Variants in DIAPH2 observed in about 807,000 individuals in gnomAD.
DIAPH2 encodes diaphanous related formin 2.
In DIAPH2, 35 loss-of-function variants were observed where a neutral mutation model predicts 92.7. The observed-to-expected ratio is 0.38, with a 90% CI of 0.29 to 0.50. DIAPH2 has a LOEUF of 0.50. Among genes scored for constraint, DIAPH2 ranks in the 20% least tolerant of loss-of-function variants. The pLI, the probability that DIAPH2 is intolerant of heterozygous loss-of-function variation, is 0.94. For missense variants in DIAPH2, 701 were observed against 819.5 expected, an observed-to-expected ratio of 0.86 and a Z score of 1.77; for synonymous variants, 301 against 280.4, an observed-to-expected ratio of 1.07 and a Z score of -0.73.
intron 3 of DIAPH2, among the ~76,000 whole-genome samples, chrX:96,754,415 A>G (rs1282632705): frequency 1.8e-5 from 2 of 112,234 alleles, no homozygotes; most frequent in Non-Finnish European, 3.8e-5. Context: ...CAGATTAGAC[A>G]GCCTAGCATA....
intron 21 of DIAPH2, among the ~76,000 whole-genome samples, chrX:97,137,495 A>G (rs5921403): frequency 0.17 from 18,141 of 107,621 alleles, 1,726 homozygotes; most frequent in African/African-American, 0.35. Flanking sequence ...AGAGACTACT[A>G]TGTTGAAATG....
chrX:96,955,249 A>G (rs983940177), intron 15 of DIAPH2, among the ~76,000 whole-genome samples: 1 of 111,795 alleles, frequency 8.9e-6, no homozygotes, highest in Non-Finnish European at 1.9e-5. Flanking sequence ...AGTGCCAAGC[A>G]AAAGGGGAAA....
intron 15 of DIAPH2, among the ~76,000 whole-genome samples, chrX:96,955,379 G>A (rs754672971): frequency 9.0e-6 from 1 of 111,681 alleles, no homozygotes; most frequent in Non-Finnish European, 1.9e-5. Context: ...TACAATTCAA[G>A]GTGAGATTTA....
rs758607825 is a variant in DIAPH2, at chrX:97,255,891, A to T, written c.2844+8052A>T. Among the ~76,000 whole-genome samples the T allele has an allele frequency of 6.3e-5, 7 of 111,966 alleles. No individual in the cohort carries two copies. In the East Asian group the frequency reaches 2.0e-3, roughly 31 times the overall value. The stretch of plus-strand genomic sequence containing the variant: ...TGAAATTCACCCTGAAATTACGTAC[A>T]CTATGAGCTACATTTTTCAAACTTT... On this transcript the variant is annotated intron_variant, in intron 23 of 26. Transcript: ENST00000324765.
intron 25 of DIAPH2, among the ~76,000 whole-genome samples, chrX:97,409,727 C>T (rs1271309927): frequency 2.7e-5 from 3 of 112,360 alleles, no homozygotes; most frequent in African/African-American, 6.5e-5. Context: ...ATATCCCGTG[C>T]CTGGCTCAGC....
intron 4 of DIAPH2, among the ~76,000 whole-genome samples, chrX:96,828,964 A>G (rs1423628751): frequency 1.8e-5 from 2 of 111,955 alleles, no homozygotes; most frequent in Non-Finnish European, 3.8e-5. Context: ...TATTATCTCA[A>G]TATGTATTGT....
At chrX:97,375,226 C>T (rs769982241) in intron 24 of DIAPH2, among the ~76,000 whole-genome samples, 2 of 111,189 alleles carry the variant, frequency 1.8e-5, no homozygotes, top group South Asian at 3.8e-4. Context: ...GAGGTTGAGG[C>T]GGGTGGATCA....
At chrX:97,061,012 G>A (rs866611883) in intron 17 of DIAPH2, among the ~76,000 whole-genome samples, 1 of 103,381 alleles carries the variant, frequency 9.7e-6, no homozygotes, top group African/African-American at 3.6e-5. Flanking sequence ...ACACACACAC[G>A]CAACAGTTGT....
At chrX:96,931,673 T>C (rs1342733248) in intron 10 of DIAPH2, among the ~76,000 whole-genome samples, 15 of 111,052 alleles carry the variant, frequency 1.4e-4, no homozygotes, top group Non-Finnish European at 5.7e-5. Flanking sequence ...TGTGCCCATG[T>C]GTATGACCTA....
intron 5 of DIAPH2, among the ~76,000 whole-genome samples, chrX:96,907,781 T>A (rs1318889352): frequency 1.8e-5 from 2 of 111,843 alleles, no homozygotes; most frequent in African/African-American, 6.5e-5. Context: ...CTCCTAGATA[T>A]TTTTTTAACA....
At chrX:97,023,566 C>A (rs1316131925) in intron 17 of DIAPH2, among the ~76,000 whole-genome samples, 1 of 111,687 alleles carries the variant, frequency 9.0e-6, no homozygotes, top group Non-Finnish European at 1.9e-5. Flanking sequence ...GAGTTCATAC[C>A]CACACTGTCT....
At position 97,600,089 on chromosome X, in the gene DIAPH2, T is replaced by C. The variant is rs1433787264; in HGVS notation, c.*772T>C. ...TGCACAGATATCTACTTTATACAAA[T>C]ACTTTATATGGCTATTTTTGAGAAA... On this transcript the variant is annotated 3_prime_UTR_variant, in exon 27 of 27. Transcript: ENST00000324765. 3 of 112,970 alleles carry C rather than the reference T, an allele frequency of 2.7e-5. No homozygotes were observed. The East Asian group carries it at 8.3e-4, about 31-fold the overall frequency. The allele number at this position is 112,970 out of a possible 1,213,427, so 9.3% of individuals were successfully genotyped here.
At chrX:96,809,601 T>C (rs1429104351) in intron 4 of DIAPH2, among the ~76,000 whole-genome samples, 2 of 110,035 alleles carry the variant, frequency 1.8e-5, no homozygotes, top group African/African-American at 6.6e-5. Context: ...ATGTGCCATG[T>C]TGGTTTGCTG....
intron 26 of DIAPH2, among the ~76,000 whole-genome samples, chrX:97,571,903 C>T (rs1034395292): frequency 3.6e-5 from 4 of 111,681 alleles, no homozygotes; most frequent in African/African-American, 1.3e-4. Flanking sequence ...TAGATTGTAG[C>T]TTTGTGAAAG....
intron 4 of DIAPH2, among the ~76,000 whole-genome samples, chrX:96,847,268 G>A (rs777601609): frequency 1.6e-4 from 18 of 112,109 alleles, no homozygotes; most frequent in South Asian, 7.3e-4. Flanking sequence ...TGTGATAAAG[G>A]CATGAAATAA....
In DIAPH2 at chrX:97,146,671, T is replaced by G. The variant is rs1042249513; in HGVS notation, c.2719+4877T>G. Among the ~76,000 whole-genome samples, 8 of 111,854 alleles carry G rather than the reference T, an allele frequency of 7.2e-5. No individual in the cohort carries two copies. The East Asian group carries it at 1.1e-3, about 16-fold the overall frequency. ...TCATCATAATTACATTTATTCCTTG[T>G]AAAGCTAAGCTGCTAAAATTGTGTG... On this transcript the variant is annotated intron_variant, in intron 22 of 26. Coordinates refer to ENST00000324765, the MANE Select transcript of DIAPH2 (RefSeq NM_006729.5).
chrX:96,709,559 G>C (rs2063906263), intron 1 of DIAPH2, among the ~76,000 whole-genome samples: 1 of 111,786 alleles, frequency 8.9e-6, no homozygotes, highest in African/African-American at 3.2e-5. Context: ...ATGAAAGGAA[G>C]ATGCTCTGAT....
chrX:97,404,430 T>C (rs1297543230), intron 25 of DIAPH2, among the ~76,000 whole-genome samples: 1 of 111,987 alleles, frequency 8.9e-6, no homozygotes, highest in Non-Finnish European at 1.9e-5. Context: ...CTGTCTCTGA[T>C]ACATAGACAG....
At chrX:96,948,252 T>C (rs1311671320) in intron 14 of DIAPH2, among the ~76,000 whole-genome samples, 1 of 112,420 alleles carries the variant, frequency 8.9e-6, no homozygotes, top group Non-Finnish European at 1.9e-5. Flanking sequence ...TATTTTTAGA[T>C]TTCATTTTCT....
Sources: allele counts gnomAD v4.1 joint callset (sites outside exome capture counted in the v4.1 genomes callset), GRCh38; gene constraint gnomAD v4.1.1; transcripts MANE v1.5; gene names NCBI Gene and HGNC (gene_info 2026-07-23, HGNC 2026-07-21).